FSTL5: variants seen among roughly 807,000 people sequenced by gnomAD.
The protein encoded by FSTL5 is follistatin like 5, also known as follistatin-related protein 5.
A neutral mutation model predicts 89.1 loss-of-function variants in FSTL5; 62 were observed. That is an observed-to-expected ratio of 0.70 (90% CI 0.57 to 0.86). The LOEUF is 0.86. Among genes scored for constraint, FSTL5 ranks in the 40% least tolerant of loss-of-function variants. FSTL5 has a pLI of 0.00. For synonymous variants in FSTL5, 383 were observed against 346.2 expected, an observed-to-expected ratio of 1.11 and a Z score of -1.18; for missense variants, 1,057 against 1,001.6, an observed-to-expected ratio of 1.06 and a Z score of -0.75.
At chr4:161,825,262 T>C (rs1730631124) in intron 4 of FSTL5, among the ~76,000 whole-genome samples, 2 of 148,998 alleles carry the variant, frequency 1.3e-5, no homozygotes, top group South Asian at 4.2e-4. Flanking sequence ...TGGTGGATTA[T>C]CTTTTTGATA....
At chr4:162,064,328 C>T (rs992847086) in intron 2 of FSTL5, among the ~76,000 whole-genome samples, 10 of 151,960 alleles carry the variant, frequency 6.6e-5, no homozygotes, top group African/African-American at 2.4e-4. Context: ...ATGATACATG[C>T]AGTGATTCAT....
chr4:161,500,818 TC>T (rs957637781), intron 11 of FSTL5, among the ~76,000 whole-genome samples: 2 of 152,036 alleles, frequency 1.3e-5, no homozygotes, highest in African/African-American at 4.8e-5. Flanking sequence ...GAAATTCATC[TC>T]CCCCCACTTT....
intron 6 of FSTL5, among the ~76,000 whole-genome samples, chr4:161,747,051 C>G (rs1464403344): frequency 1.3e-5 from 2 of 152,136 alleles, no homozygotes; most frequent in African/African-American, 4.8e-5. Context: ...CCTTGAGATA[C>G]TATATTGTAA....
At chr4:161,929,685 G>GTA (rs34924590) in intron 3 of FSTL5, among the ~76,000 whole-genome samples, 22 of 149,170 alleles carry the variant, frequency 1.5e-4, no homozygotes, top group East Asian at 6.0e-4. Context: ...GTGTGTGTGT[G>GTA]TGTGTGTGTG....
intron 4 of FSTL5, among the ~76,000 whole-genome samples, chr4:161,788,773 C>T (rs1742008606): frequency 6.6e-6 from 1 of 152,090 alleles, no homozygotes; most frequent in South Asian, 2.1e-4. Flanking sequence ...TGATGTGTAC[C>T]TGTAGTCTTA....
At chr4:162,152,533 C>T (rs72988809) in intron 1 of FSTL5, among the ~76,000 whole-genome samples, 35,347 of 151,924 alleles carry the variant, frequency 0.23, 4,305 homozygotes, top group Non-Finnish European at 0.26. Context: ...TGATGTCACA[C>T]TATTTGAATA....
intron 6 of FSTL5, among the ~76,000 whole-genome samples, chr4:161,731,841 T>A (rs1483552410): frequency 3.3e-5 from 5 of 152,044 alleles, no homozygotes. Context: ...GATTCCTTTT[T>A]ATTGCCAAGT....
intron 10 of FSTL5, among the ~76,000 whole-genome samples, chr4:161,524,473 GA>G (rs1261901242): frequency 6.6e-6 from 1 of 152,050 alleles, no homozygotes; most frequent in African/African-American, 2.4e-5. Flanking sequence ...ATATTTTACA[GA>G]GTTTGACTCT....
intron 3 of FSTL5, among the ~76,000 whole-genome samples, chr4:161,923,953 T>C (rs899713326): frequency 1.4e-4 from 21 of 151,956 alleles, no homozygotes; most frequent in Admixed American, 1.2e-3. Flanking sequence ...GCTCATATTA[T>C]GTAAATGAAT....
chr4:161,551,054 A>T (rs200381478), intron 8 of FSTL5, among the ~76,000 whole-genome samples: 6 of 151,906 alleles, frequency 3.9e-5, no homozygotes, highest in African/African-American at 1.2e-4. Flanking sequence ...ATGTGTGTGT[A>T]TGTCTTTATA....
intron 15 of FSTL5, among the ~76,000 whole-genome samples, chr4:161,438,759 A>T (rs74986320): frequency 0.047 from 7,199 of 152,146 alleles, 432 homozygotes; most frequent in East Asian, 0.19. Context: ...CAAATGATTA[A>T]TTTTTTTACA....
intron 4 of FSTL5, among the ~76,000 whole-genome samples, chr4:161,898,349 A>G (rs548431323): frequency 1.5e-4 from 23 of 151,856 alleles, no homozygotes; most frequent in African/African-American, 4.6e-4. Context: ...AAACTGCTAT[A>G]AACACTTGAG....
intron 2 of FSTL5, among the ~76,000 whole-genome samples, chr4:162,101,766 A>G (rs1003376723): frequency 1.3e-5 from 2 of 152,204 alleles, no homozygotes; most frequent in Admixed American, 1.3e-4. Context: ...AAGCTCATAA[A>G]CCAGAATATT....
In FSTL5 at chr4:161,461,736, A is replaced by G. The variant is rs537708807; in HGVS notation, c.1609-2417T>C. Among the ~76,000 whole-genome samples the G allele has an allele frequency of 7.2e-5, 11 of 152,228 alleles. No homozygotes were observed. The South Asian group carries it at 2.3e-3, about 32-fold the overall frequency. The stretch of plus-strand genomic sequence containing the variant: ...ATAATTTCAGTGCATATATAGCCCT[A>G]AAAAGTCATCATTAATCAATACACT... On this transcript the variant is annotated intron_variant, in intron 13 of 15. Transcript: ENST00000306100.
At chr4:162,025,246 G>A (rs1028078412) in intron 3 of FSTL5, among the ~76,000 whole-genome samples, 2 of 152,040 alleles carry the variant, frequency 1.3e-5, no homozygotes, top group Admixed American at 1.3e-4. Context: ...GTAAAATAAT[G>A]ATTCGACATA....
At chr4:162,130,239 T>G (rs949059700) in intron 1 of FSTL5, among the ~76,000 whole-genome samples, 1 of 152,164 alleles carries the variant, frequency 6.6e-6, no homozygotes, top group Admixed American at 6.5e-5. Context: ...GGAAGGAATA[T>G]TCCTAAACCC....
chr4:161,774,653 A>T (rs1357778580), intron 5 of FSTL5, among the ~76,000 whole-genome samples: 1 of 148,166 alleles, frequency 6.7e-6, no homozygotes, highest in Non-Finnish European at 1.5e-5. Context: ...AAAACAATTG[A>T]TAAAAATTAA....
At chr4:161,671,560 T>C (rs1420653863) in intron 6 of FSTL5, among the ~76,000 whole-genome samples, 1 of 152,162 alleles carries the variant, frequency 6.6e-6, no homozygotes, top group Non-Finnish European at 1.5e-5. Context: ...ATGTAAGTTT[T>C]AAAAATATGA....
intron 7 of FSTL5, among the ~76,000 whole-genome samples, chr4:161,623,335 T>C (rs2126648356): frequency 6.6e-6 from 1 of 152,116 alleles, no homozygotes; most frequent in Admixed American, 6.5e-5. Context: ...CATATTAGTA[T>C]TGGCAGATGT....
Sources: allele counts gnomAD v4.1 joint callset (sites outside exome capture counted in the v4.1 genomes callset), GRCh38; gene constraint gnomAD v4.1.1; transcripts MANE v1.5; gene names NCBI Gene and HGNC (gene_info 2026-07-23, HGNC 2026-07-21).